ALDH1A2: variants seen among roughly 807,000 people sequenced by gnomAD.
The protein encoded by ALDH1A2 is aldehyde dehydrogenase 1 family member A2.
Under a neutral mutation model 60.3 loss-of-function variants are expected in ALDH1A2, and 27 were observed. The ratio of observed to expected loss-of-function variants is 0.45; its 90% CI spans 0.33 to 0.62. The LOEUF is 0.62. Among genes scored for constraint, ALDH1A2 ranks in the 20% least tolerant of loss-of-function variants. The probability of loss-of-function intolerance (pLI) is 0.02; values close to 1 mark genes in which losing one functional copy is unlikely to be tolerated. For missense variants in ALDH1A2, 581 were observed against 643.8 expected (o/e 0.90, Z 1.06); for synonymous variants, 289 against 232.4 (o/e 1.24, Z -2.21).
rs539415037 is a variant in ALDH1A2, at chr15:57,973,788, T to C, written c.799-7961A>G. Among the ~76,000 whole-genome samples the C allele has an allele frequency of 8.5e-5, 13 of 152,346 alleles. No homozygotes were observed. The East Asian group carries it at 1.5e-3, about 18-fold the overall frequency. On this transcript the variant is annotated intron_variant, in intron 7 of 12. Transcript: ENST00000249750. ...CGGGATTAGTTCCCCTCCAAATGAA[T>C]GTAAGCCTCTCTACAGAGAGAGAAG...
At chr15:57,973,008 C>G (rs1226624320) in intron 7 of ALDH1A2, among the ~76,000 whole-genome samples, 1 of 152,136 alleles carries the variant, frequency 6.6e-6, no homozygotes, top group Non-Finnish European at 1.5e-5. Flanking sequence ...AAAAGAACCC[C>G]AGCTGCGTAA....
In ALDH1A2 at chr15:57,962,040, G is replaced by C. The variant is rs749175907; in HGVS notation, c.1223C>G (p.Thr408Ser). ...FIEPTVFSNV[T>S]DDMRIAKEEI... ...CTCCTTGGCAATCCGCATATCATCA[G>C]TGACGTTGGAAAACACTGTGGGCTC... is the stretch of plus-strand genomic sequence containing the variant. Residue 408 changes from threonine to serine, a missense_variant, in exon 10 of 13, where the codon ACT becomes AGT. Thr to Ser is a moderately conservative substitution (Grantham distance 58). Around this residue, in one of 2 missense-constraint regions of ALDH1A2, gnomAD observed 375 missense variants for 469.7 expected, o/e 0.80. Transcript: ENST00000249750. 4 of 1,614,040 alleles carry C rather than the reference G, an allele frequency of 2.5e-6. No individual in the cohort carries two copies. Among genetic ancestry groups the C allele is most frequent in the African/African-American group, 1.3e-5 (1 of 74,922 alleles).
intron 4 of ALDH1A2, among the ~76,000 whole-genome samples, chr15:58,009,367 T>A (rs1158882201): frequency 2.0e-5 from 3 of 151,952 alleles, no homozygotes. Context: ...ATGAGCACAT[T>A]AAATTGGAGA....
chr15:57,960,511 A>G (rs1481568104), intron 12 of ALDH1A2, among the ~76,000 whole-genome samples: 3 of 152,186 alleles, frequency 2.0e-5, no homozygotes, highest in African/African-American at 7.2e-5. Flanking sequence ...CAAAATGTTT[A>G]ACATACTTCT....
chr15:58,023,707 T>C (rs914272710), intron 1 of ALDH1A2, among the ~76,000 whole-genome samples: 31 of 149,380 alleles, frequency 2.1e-4, no homozygotes, highest in Middle Eastern at 3.5e-3. Context: ...CTAGCAAAAT[T>C]ATCCTTCACA....
chr15:57,956,175 A>C (rs12910113), intron 12 of ALDH1A2, among the ~76,000 whole-genome samples: 54,100 of 152,032 alleles, frequency 0.36, 10,712 homozygotes, highest in Non-Finnish European at 0.46. Flanking sequence ...AGCAGGCACA[A>C]AGAAGGTACC....
intron 4 of ALDH1A2, among the ~76,000 whole-genome samples, chr15:58,002,313 C>G (rs182277684): frequency 6.6e-6 from 1 of 151,776 alleles, no homozygotes; most frequent in Admixed American, 6.6e-5. Flanking sequence ...ACTATATTTG[C>G]GAACTACTGA....
At chr15:58,041,821 T>C (rs1896524815) in intron 1 of ALDH1A2, among the ~76,000 whole-genome samples, 1 of 151,970 alleles carries the variant, frequency 6.6e-6, no homozygotes. Flanking sequence ...TAGTAATACA[T>C]ACTATGTTTT....
chr15:58,039,102 G>A (rs999875140), intron 1 of ALDH1A2, among the ~76,000 whole-genome samples: 4 of 151,728 alleles, frequency 2.6e-5, no homozygotes, highest in African/African-American at 9.7e-5. Flanking sequence ...AACTCTTCCA[G>A]CACCACAGAC....
intron 9 of ALDH1A2, 145 bp downstream of exon 9, chr15:57,963,740 C>T: frequency 2.5e-6 from 2 of 796,298 alleles, no homozygotes; most frequent in Non-Finnish European, 4.1e-6. Context: ...CTCTCTGGCT[C>T]CATTTCCAGC....
At chr15:58,041,315 C>T (rs1896513648) in intron 1 of ALDH1A2, among the ~76,000 whole-genome samples, 1 of 151,806 alleles carries the variant, frequency 6.6e-6, no homozygotes, top group African/African-American at 2.4e-5. Context: ...GAGTGAAAAC[C>T]TGTGGGGGAA....
chr15:58,039,992 G>A (rs773443766), intron 1 of ALDH1A2, among the ~76,000 whole-genome samples: 1 of 151,896 alleles, frequency 6.6e-6, no homozygotes, highest in Non-Finnish European at 1.5e-5. Context: ...TCAGTACTGT[G>A]GTGGGGGAAA....
intron 1 of ALDH1A2, among the ~76,000 whole-genome samples, chr15:58,019,073 C>G (rs1265978092): frequency 1.3e-5 from 2 of 152,042 alleles, no homozygotes; most frequent in Non-Finnish European, 2.9e-5. Flanking sequence ...TTTGGGGAAT[C>G]TGCATGAAGT....
chr15:57,956,382 C>G (rs1000821009), intron 12 of ALDH1A2, among the ~76,000 whole-genome samples: 2 of 152,162 alleles, frequency 1.3e-5, no homozygotes, highest in Admixed American at 6.5e-5. Context: ...AGTCAGTGTA[C>G]GAGTTACTGT....
chr15:58,064,265 C>G (rs1897116922), intron 1 of ALDH1A2, among the ~76,000 whole-genome samples: 1 of 152,122 alleles, frequency 6.6e-6, no homozygotes, highest in African/African-American at 2.4e-5. Context: ...AAGGTTATAA[C>G]CATTAACGAC....
chr15:58,052,830 G>A (rs892295227), intron 1 of ALDH1A2, among the ~76,000 whole-genome samples: 2 of 152,134 alleles, frequency 1.3e-5, no homozygotes, highest in Non-Finnish European at 2.9e-5. Context: ...TCAGAGGAAG[G>A]GGTAAATGCG....
At chr15:58,059,656 T>C (rs1896973121) in intron 1 of ALDH1A2, among the ~76,000 whole-genome samples, 1 of 152,196 alleles carries the variant, frequency 6.6e-6, no homozygotes, top group Non-Finnish European at 1.5e-5. Context: ...AGCATATTCA[T>C]GCTATATTTT....
At chr15:57,992,264 G>A (rs1894920817) in intron 7 of ALDH1A2, among the ~76,000 whole-genome samples, 1 of 152,142 alleles carries the variant, frequency 6.6e-6, no homozygotes, top group Non-Finnish European at 1.5e-5. Context: ...GAAAAAAAAT[G>A]TGCTGAGCCC....
chr15:57,980,966 C>A (rs1382106505), intron 7 of ALDH1A2, among the ~76,000 whole-genome samples: 1 of 152,072 alleles, frequency 6.6e-6, no homozygotes, highest in Non-Finnish European at 1.5e-5. Context: ...AATTTCAGAG[C>A]CTATTGTTGG....
Sources: allele counts gnomAD v4.1 joint callset (sites outside exome capture counted in the v4.1 genomes callset), GRCh38; gene constraint gnomAD v4.1.1; regional missense constraint gnomAD v4.1.1; transcripts MANE v1.5; gene names NCBI Gene and HGNC (gene_info 2026-07-23, HGNC 2026-07-21).